KCNIP4: variants seen among roughly 807,000 people sequenced by gnomAD.
The protein encoded by KCNIP4 is Kv channel-interacting protein 4.
KCNIP4 carries 12 observed loss-of-function variants against 34.0 expected under a neutral mutation model. The observed-to-expected ratio is 0.35, with a 90% CI of 0.23 to 0.57. The LOEUF is 0.57. Ranked by LOEUF, KCNIP4 falls within the 20% of genes least tolerant of loss-of-function variation. KCNIP4 has a pLI of 0.83. For synonymous variants in KCNIP4, 124 were observed against 102.2 expected (o/e 1.21, Z -1.29); for missense variants, 238 against 311.7 (o/e 0.76, Z 1.78).
intron 1 of KCNIP4, among the ~76,000 whole-genome samples, chr4:21,880,860 G>GACCC (rs1726420025): frequency 1.3e-5 from 2 of 152,142 alleles, no homozygotes; most frequent in Non-Finnish European, 2.9e-5. Flanking sequence ...ACTTAACAAT[G>GACCC]ACCCTATAGT....
intron 1 of KCNIP4, among the ~76,000 whole-genome samples, chr4:21,137,908 A>G (rs980575622): frequency 1.2e-4 from 13 of 110,098 alleles, no homozygotes; most frequent in Admixed American, 5.3e-4. Flanking sequence ...GTCTTGCTCT[A>G]TTACCCAGGC....
rs988606362 is a variant in KCNIP4, at chr4:21,697,773, T to C, written c.61+250798A>G. The C allele has an allele frequency of 1.1e-4, 67 of 632,276 alleles. No individual in the cohort carries two copies. In the African/African-American group the frequency reaches 1.3e-3, roughly 12 times the overall value. The allele number at this position is 632,276 out of a possible 1,614,324, so 39.2% of individuals were successfully genotyped here. On this transcript the variant is annotated intron_variant, in intron 1 of 8. Transcript: ENST00000382152. ...CTCGGCATCCCCTCTCCAGAAGCAGTTGCAACCTCACAGACCATTCAGAGG... is the reference window on the plus strand; with the variant it reads ...CTCGGCATCCCCTCTCCAGAAGCAGCTGCAACCTCACAGACCATTCAGAGG...
intron 1 of KCNIP4, among the ~76,000 whole-genome samples, chr4:21,655,172 C>T (rs1470746513): frequency 6.6e-6 from 1 of 151,928 alleles, no homozygotes; most frequent in Non-Finnish European, 1.5e-5. Flanking sequence ...AGATTAGATC[C>T]CATATGAGCT....
intron 3 of KCNIP4, among the ~76,000 whole-genome samples, chr4:20,781,433 G>C (rs10017832): frequency 2.6e-5 from 4 of 152,056 alleles, no homozygotes; most frequent in Non-Finnish European, 5.9e-5. Flanking sequence ...CCATTTTCCC[G>C]CTGCTGATAA....
intron 1 of KCNIP4, among the ~76,000 whole-genome samples, chr4:21,727,587 G>T (rs1402634283): frequency 6.6e-6 from 1 of 152,134 alleles, no homozygotes; most frequent in Non-Finnish European, 1.5e-5. Context: ...CTAGCACTGT[G>T]GGAGGCCGAG....
chr4:21,000,980 T>A (rs1019467938), intron 1 of KCNIP4, among the ~76,000 whole-genome samples: 5 of 152,190 alleles, frequency 3.3e-5, no homozygotes, highest in Non-Finnish European at 7.3e-5. Flanking sequence ...ATTACCACTA[T>A]CATATAAACT....
chr4:21,417,676 T>C (rs1324202660), intron 1 of KCNIP4, among the ~76,000 whole-genome samples: 1 of 152,108 alleles, frequency 6.6e-6, no homozygotes, highest in Non-Finnish European at 1.5e-5. Context: ...GAGCACGGTG[T>C]TTTTAGCATG....
chr4:20,948,515 A>T (rs1462881315), intron 1 of KCNIP4, among the ~76,000 whole-genome samples: 2 of 152,198 alleles, frequency 1.3e-5, no homozygotes, highest in Non-Finnish European at 2.9e-5. Flanking sequence ...TGGAGGGAGC[A>T]TCTTCGTTAC....
At chr4:21,018,983 A>T (rs1429444717) in intron 1 of KCNIP4, among the ~76,000 whole-genome samples, 1 of 152,146 alleles carries the variant, frequency 6.6e-6, no homozygotes, top group Admixed American at 6.6e-5. Flanking sequence ...GGCTTAAACC[A>T]CAGAAGTGTA....
At chr4:20,968,006 G>A (rs1210833172) in intron 1 of KCNIP4, among the ~76,000 whole-genome samples, 1 of 152,006 alleles carries the variant, frequency 6.6e-6, no homozygotes, top group Non-Finnish European at 1.5e-5. Context: ...CTACAGAACG[G>A]GAGAAAATTT....
chr4:21,058,273 G>A (rs1258052983), intron 1 of KCNIP4, among the ~76,000 whole-genome samples: 1 of 151,588 alleles, frequency 6.6e-6, no homozygotes, highest in Non-Finnish European at 1.5e-5. Context: ...AAGAATAATA[G>A]AAAAAGAAGA....
At chr4:21,909,399 T>C (rs2108979571) in intron 1 of KCNIP4, among the ~76,000 whole-genome samples, 1 of 152,186 alleles carries the variant, frequency 6.6e-6, no homozygotes, top group Non-Finnish European at 1.5e-5. Flanking sequence ...CTTTCTCACC[T>C]TGTCTTACAC....
At chr4:21,399,710 G>T (rs1187636791) in intron 1 of KCNIP4, among the ~76,000 whole-genome samples, 10 of 151,336 alleles carry the variant, frequency 6.6e-5, no homozygotes, top group African/African-American at 2.4e-4. Flanking sequence ...AGGCTGGAGT[G>T]CAGTGGCACG....
At chr4:21,389,144 CCTAA>C (rs932591988) in intron 1 of KCNIP4, among the ~76,000 whole-genome samples, 3 of 151,848 alleles carry the variant, frequency 2.0e-5, no homozygotes, top group Non-Finnish European at 4.4e-5. Context: ...TGCCACCATA[CCTAA>C]CTAATTTTTT....
intron 1 of KCNIP4, among the ~76,000 whole-genome samples, chr4:20,989,739 T>G (rs1387874438): frequency 6.6e-6 from 1 of 151,932 alleles, no homozygotes; most frequent in Admixed American, 6.6e-5. Flanking sequence ...GAGGTTGAGG[T>G]GGGTAGATCG....
chr4:21,707,159 G>A lies in KCNIP4; in HGVS notation c.61+241412C>T, dbSNP rs114667401. On this transcript the variant is annotated intron_variant, in intron 1 of 8. Transcript: ENST00000382152. ...ACAAACCATACGATAAACATTTTAG[G>A]TAATGTCTAAATGATGCCATTGTTG... Among the ~76,000 whole-genome samples the A allele has an allele frequency of 3.5e-3, 537 of 152,252 alleles. 5 individuals carry two copies. Among genetic ancestry groups the A allele is most frequent in the African/African-American group, 0.012 (490 of 41,550 alleles).
chr4:20,950,618 A>G (rs952023811), intron 1 of KCNIP4, among the ~76,000 whole-genome samples: 1 of 152,088 alleles, frequency 6.6e-6, no homozygotes, highest in Non-Finnish European at 1.5e-5. Context: ...GTGTGATGCC[A>G]TTAAAGGCTT....
intron 1 of KCNIP4, among the ~76,000 whole-genome samples, chr4:21,627,915 G>T (rs1745450200): frequency 6.6e-6 from 1 of 152,098 alleles, no homozygotes; most frequent in Admixed American, 6.6e-5. Flanking sequence ...GGGAGGAAAA[G>T]ATTTCCAAAT....
intron 1 of KCNIP4, among the ~76,000 whole-genome samples, chr4:21,498,925 A>G (rs1733072187): frequency 6.6e-6 from 1 of 152,232 alleles, no homozygotes; most frequent in Admixed American, 6.5e-5. Flanking sequence ...AGAAGCAAAC[A>G]GATACTACAA....
Sources: allele counts gnomAD v4.1 joint callset (sites outside exome capture counted in the v4.1 genomes callset), GRCh38; gene constraint gnomAD v4.1.1; transcripts MANE v1.5; gene names NCBI Gene and HGNC (gene_info 2026-07-23, HGNC 2026-07-21).